The following ATRN variants were observed in gnomAD, a reference collection of about 807,000 sequenced individuals.
ATRN encodes the protein attractin-2.
ATRN carries 54 observed loss-of-function variants against 178.7 expected under a neutral mutation model. That is an observed-to-expected ratio of 0.30 (90% CI 0.24 to 0.38). The LOEUF (loss-of-function observed/expected upper bound fraction) is 0.38. Among genes scored for constraint, ATRN ranks in the 10% least tolerant of loss-of-function variants. ATRN has a pLI of 1.00. For missense variants in ATRN, 1,443 were observed against 1,815.1 expected, an observed-to-expected ratio of 0.79 and a Z score of 3.73; for synonymous variants, 636 against 663.0, an observed-to-expected ratio of 0.96 and a Z score of 0.63.
chr20:3,603,996 G>C (rs1196910186), intron 23 of ATRN, 109 bp from the exon 24 acceptor site: 1 of 923,534 alleles, frequency 1.1e-6, no homozygotes, highest in African/African-American at 1.7e-5. Flanking sequence ...CTGGAACACA[G>C]GAAATGTTTG....
rs547390864 is a variant in ATRN at position 3,573,847 on chromosome 20, C to T, written c.2092+896C>T. Among the ~76,000 whole-genome samples the T allele has an allele frequency of 6.1e-4, 92 of 152,020 alleles. 1 individual carries two copies. Among genetic ancestry groups the T allele is most frequent in the Non-Finnish European group, 1.1e-3 (76 of 68,018 alleles). ...CAGCGTGATCTCAGCTCACTACAAC[C>T]TCCACCTCCCAGGTTCAAGTGATTC... is the stretch of plus-strand genomic sequence containing the variant. On this transcript the variant is annotated intron_variant, in intron 12 of 28. Coordinates refer to ENST00000262919, the MANE Select transcript of ATRN (RefSeq NM_139321.3).
At chr20:3,522,556 C>T (rs6051913) in intron 1 of ATRN, among the ~76,000 whole-genome samples, 7,840 of 152,254 alleles carry the variant, frequency 0.051, 611 homozygotes, top group African/African-American at 0.17. Context: ...GCACACCACT[C>T]GAGCTCTGCT....
intron 23 of ATRN, among the ~76,000 whole-genome samples, chr20:3,602,450 T>G (rs1195035353): frequency 6.6e-6 from 1 of 152,228 alleles, no homozygotes; most frequent in Non-Finnish European, 1.5e-5. Context: ...ATTTTATCAT[T>G]ATTACTATTA....
intron 23 of ATRN, among the ~76,000 whole-genome samples, chr20:3,601,614 A>G (rs1449225): frequency 0.11 from 16,032 of 151,188 alleles, 1,436 homozygotes; most frequent in East Asian, 0.32. Flanking sequence ...TTTAATCTCA[A>G]CACTTTGGGA....
intron 19 of ATRN, among the ~76,000 whole-genome samples, chr20:3,593,744 G>A (rs2086485432): frequency 6.6e-6 from 1 of 152,220 alleles, no homozygotes; most frequent in Admixed American, 6.5e-5. Context: ...CCAGCTGAAT[G>A]CCTTTCATTT....
chr20:3,634,378 A>C lies in ATRN; in HGVS notation c.3931A>C (p.Arg1311=). The change falls in exon 26 of 29, where the codon AGA becomes CGA. Residue 1311 remains arginine (R), a synonymous_variant. Coordinates refer to ENST00000262919, the MANE Select transcript of ATRN (RefSeq NM_139321.3). ...WKIKQSCWAS[R]RREQLLREMQ... ...GATCAAACAAAGTTGTTGGGCCTCC[A>C]GACGTAGAGAGGTAAGCTTCAGTGG... 6.2e-7 allele frequency: 1 copy of C among 1,612,516 alleles called. No homozygotes were observed. The highest frequency in any genetic ancestry group is 1.1e-5 in the South Asian group (1 of 90,922).
chr20:3,592,776 T>G (rs773504197), intron 19 of ATRN, among the ~76,000 whole-genome samples: 8 of 152,136 alleles, frequency 5.3e-5, no homozygotes, highest in Non-Finnish European at 1.0e-4. Context: ...ATAGGGTGGT[T>G]GTTAAGATGA....
intron 27 of ATRN, among the ~76,000 whole-genome samples, chr20:3,643,320 G>T (rs2087083115): frequency 6.6e-6 from 1 of 152,210 alleles, no homozygotes; most frequent in African/African-American, 2.4e-5. Flanking sequence ...CTCTAAAGCT[G>T]TGAGATAATA....
At chr20:3,487,044 A>T (rs946657170) in intron 1 of ATRN, among the ~76,000 whole-genome samples, 4 of 151,976 alleles carry the variant, frequency 2.6e-5, no homozygotes, top group African/African-American at 9.7e-5. Flanking sequence ...ATTTCCTCAG[A>T]TCTGTTCTCT....
chr20:3,595,149 G>C (rs1265242649), intron 20 of ATRN, among the ~76,000 whole-genome samples: 1 of 152,220 alleles, frequency 6.6e-6, no homozygotes, highest in African/African-American at 2.4e-5. Flanking sequence ...TGAGCAAGGT[G>C]CTCTTGAGGC....
chr20:3,546,167 T>C (rs900181383), intron 4 of ATRN, among the ~76,000 whole-genome samples: 1 of 152,190 alleles, frequency 6.6e-6, no homozygotes, highest in Admixed American at 6.5e-5. Flanking sequence ...GTTGAACTTC[T>C]AGAAGAGAGG....
intron 25 of ATRN, among the ~76,000 whole-genome samples, chr20:3,626,206 T>C (rs2146316400): frequency 7.0e-6 from 1 of 142,796 alleles, no homozygotes; most frequent in African/African-American, 2.6e-5. Context: ...CACTCCATCC[T>C]GGGTGACAGA....
intron 1 of ATRN, among the ~76,000 whole-genome samples, chr20:3,473,936 AG>A (rs751497694): frequency 3.5e-4 from 53 of 152,122 alleles, no homozygotes; most frequent in Non-Finnish European, 7.4e-5. Context: ...GGGGATGGTG[AG>A]GGAAAGAAAA....
intron 16 of ATRN, among the ~76,000 whole-genome samples, chr20:3,582,707 A>G (rs2086297800): frequency 6.6e-6 from 1 of 152,216 alleles, no homozygotes; most frequent in African/African-American, 2.4e-5. Flanking sequence ...AGAAACAAAA[A>G]AGGAAAATAA....
intron 13 of ATRN, among the ~76,000 whole-genome samples, chr20:3,576,617 C>T (rs551920634): frequency 3.9e-5 from 6 of 152,182 alleles, no homozygotes; most frequent in African/African-American, 1.2e-4. Flanking sequence ...AAAAGCATGT[C>T]CTTGAGCAGA....
chr20:3,489,151 G>A (rs2084741715), intron 1 of ATRN, among the ~76,000 whole-genome samples: 1 of 152,076 alleles, frequency 6.6e-6, no homozygotes, highest in Non-Finnish European at 1.5e-5. Flanking sequence ...ATTAGAGATG[G>A]GGTTTCACCA....
chr20:3,622,800 T>C (rs962549049), intron 24 of ATRN, among the ~76,000 whole-genome samples: 1 of 152,258 alleles, frequency 6.6e-6, no homozygotes, highest in Non-Finnish European at 1.5e-5. Flanking sequence ...AAAGCTGTTT[T>C]ATATGAGGTT....
chr20:3,583,806 C>CAAA, intron 16 of ATRN, 92 bp from the exon 17 acceptor site: 20 of 1,053,284 alleles, frequency 1.9e-5, no homozygotes, highest in South Asian at 8.9e-5. Context: ...GACTCCGTCT[C>CAAA]AAAAAAAAAA....
At chr20:3,519,187 C>G (rs959367336) in intron 1 of ATRN, among the ~76,000 whole-genome samples, 1 of 151,926 alleles carries the variant, frequency 6.6e-6, no homozygotes, top group Non-Finnish European at 1.5e-5. Flanking sequence ...TTGATCTCTA[C>G]AAGGCCAGTG....
Sources: allele counts gnomAD v4.1 joint callset (sites outside exome capture counted in the v4.1 genomes callset), GRCh38; gene constraint gnomAD v4.1.1; transcripts MANE v1.5; gene names NCBI Gene and HGNC (gene_info 2026-07-23, HGNC 2026-07-21).